IER2: variants seen among roughly 807,000 people sequenced by gnomAD.
The protein encoded by IER2 is immediate early response gene 2 protein.
For missense variants in IER2, 372 were observed against 325.4 expected (o/e 1.14, Z -1.10); for synonymous variants, 198 against 149.6 (o/e 1.32, Z -2.36).
rs1288374197 is a variant in IER2, at chr19:13,153,472, A to G, written c.286A>G (p.Met96Val). ...PDGEHPFPEP[M>V]DTQEAPTAEE... ...CGGTGAGCACCCGTTTCCGGAGCCA[A>G]TGGACACGCAGGAGGCGCCGACAGC... Residue 96 changes from methionine to valine, a missense_variant, in exon 2 of 2, where the codon ATG becomes GTG. Transcript: ENST00000292433. 53 of 1,593,438 alleles carry G rather than the reference A, an allele frequency of 3.3e-5. No individual in the cohort carries two copies. Among genetic ancestry groups the G allele is most frequent in the Middle Eastern group, 1.7e-4 (1 of 6,010 alleles).
At position 13,153,846 on chromosome 19, in the gene IER2, G is replaced by A; in HGVS notation, c.660G>A (p.Val220=). The part of the protein sequence containing the change: ...DSMLNVLVRA[V]VAF ...TGCTCAACGTGCTCGTGCGGGCCGT[G>A]GTGGCCTTCTGAGGACCCCGAGCGG... Residue 220 remains valine (V), a synonymous_variant, in exon 2 of 2, where the codon GTG becomes GTA. Coordinates refer to ENST00000292433, the MANE Select transcript of IER2 (RefSeq NM_004907.3). 1 of 1,440,246 alleles carries A rather than the reference G, an allele frequency of 6.9e-7. No individual in the cohort carries two copies. Among genetic ancestry groups the A allele is most frequent in the Non-Finnish European group, 9.0e-7 (1 of 1,105,042 alleles). The allele number at this position is 1,440,246 out of a possible 1,614,324, so 89.2% of individuals were successfully genotyped here.
Position 13,153,898 on chromosome 19 carries a change from G to C in IER2, c.*40G>C, listed in dbSNP as rs900840586. ...GCTGCCGGAGCCCAGAGCGCGCGTC[G>C]AACCGTCGGCCCGAGGGCGCAGACC... On this transcript the variant is annotated 3_prime_UTR_variant, in exon 2 of 2. Transcript: ENST00000292433. The C allele has an allele frequency of 7.2e-7, 1 of 1,393,160 alleles. No individual in the cohort carries two copies. Among genetic ancestry groups the C allele is most frequent in the East Asian group, 2.9e-5 (1 of 34,268 alleles). The allele number at this position is 1,393,160 out of a possible 1,614,324, so 86.3% of individuals were successfully genotyped here.
intron 1 of IER2, among the ~76,000 whole-genome samples, chr19:13,151,769 C>T (rs951819059): frequency 6.6e-6 from 1 of 150,990 alleles, no homozygotes; most frequent in African/African-American, 2.4e-5. Context: ...TGGGGAGGGG[C>T]GTGGCCGGAG....
chr19:13,152,518 A>G (rs1204193382), intron 1 of IER2: 1 of 152,336 alleles, frequency 6.6e-6, no homozygotes, highest in Admixed American at 6.5e-5. Context: ...CAGATAGAAC[A>G]GTATCCTCCG....
Position 13,150,445 on chromosome 19 carries a change from G to C in IER2, c.-351G>C, listed in dbSNP as rs1482526024. On this transcript the variant is annotated 5_prime_UTR_variant, in exon 1 of 2. Coordinates refer to ENST00000292433, the MANE Select transcript of IER2 (RefSeq NM_004907.3). The surrounding 1 kb of genome is among the most constrained non-coding windows in gnomAD (Gnocchi z 4.0). The stretch of plus-strand genomic sequence containing the variant: ...GTGCCGCACCGTAGGGGGCGGTGTC[G>C]GAGTTCTGTCTGGGCCTATTCGGGT... 6.3e-5 allele frequency: 28 copies of C among 447,556 alleles called. No individual in the cohort carries two copies. Among genetic ancestry groups the C allele is most frequent in the Non-Finnish European group, 8.8e-5 (22 of 250,866 alleles). 27.7% of individuals were successfully genotyped at this position (447,556 alleles called of 1,614,324 possible). A position where few individuals can be genotyped will look rare whatever the true frequency, so the allele number is the denominator to read the frequency against.
chr19:13,153,081 G>A lies in IER2; in HGVS notation c.-106G>A, dbSNP rs1361615726. On this transcript the variant is annotated 5_prime_UTR_variant, in exon 2 of 2. Coordinates refer to ENST00000292433, the MANE Select transcript of IER2 (RefSeq NM_004907.3). Reference sequence around the variant, plus strand: ...GAGCGTCCTAGCAGTGTCACTGCGTGGGTTGGTTTGTGTAGAGAGGCGTGA... The same window carrying A: ...GAGCGTCCTAGCAGTGTCACTGCGTAGGTTGGTTTGTGTAGAGAGGCGTGA... 2 of 787,000 alleles carry A rather than the reference G, an allele frequency of 2.5e-6. No homozygotes were observed. Among genetic ancestry groups the A allele is most frequent in the East Asian group, 3.1e-5 (1 of 32,662 alleles). The allele number at this position is 787,000 out of a possible 1,614,324, so 48.8% of individuals were successfully genotyped here.
Position 13,153,511 on chromosome 19 carries a change from G to C in IER2, c.325G>C (p.Ala109Pro), listed in dbSNP as rs1334835713. The C allele has an allele frequency of 6.3e-7, 1 of 1,582,494 alleles. No individual in the cohort carries two copies. The highest frequency in any genetic ancestry group is 1.3e-5 in the African/African-American group (1 of 74,084). ...GGCGCCGACAGCCGAGGAGACCTCCGCCTGCTGTGCCCCGCGCCCCGCCAA... is the reference window on the plus strand; with the variant it reads ...GGCGCCGACAGCCGAGGAGACCTCCCCCTGCTGTGCCCCGCGCCCCGCCAA... ...QEAPTAEETSACCAPRPAKVS... is the reference protein window; with the variant it reads ...QEAPTAEETSPCCAPRPAKVS... Residue 109 changes from alanine to proline, a missense_variant, in exon 2 of 2, where the codon GCC becomes CCC. Transcript: ENST00000292433.
chr19:13,153,381 C>T lies in IER2; in HGVS notation c.195C>T (p.Leu65=), dbSNP rs1047951180. 4 of 1,588,262 alleles carry T rather than the reference C, an allele frequency of 2.5e-6. No homozygotes were observed. Among genetic ancestry groups the T allele is most frequent in the Non-Finnish European group, 3.4e-6 (4 of 1,169,530 alleles). The change falls in exon 2 of 2, where the codon CTC becomes CTT. Residue 65 remains leucine, a synonymous_variant. Transcript: ENST00000292433. ...LEPEVSLPAA[L]PSDPRLHPPR... is the part of the protein sequence containing the mutation. ...CCGAGGTGTCGTTGCCGGCCGCCCT[C>T]CCCTCTGACCCTCGCCTGCACCCGC...
rs749558990 is a variant in IER2, at chr19:13,150,899, C to A, written c.-244+347C>A. ...TATGCCAGCAGCGGGGGGAGGTCAC[C>A]TTTGAGAAAGTGCGTGGAGGTGGGT... On this transcript the variant is annotated intron_variant, in intron 1 of 1. Transcript: ENST00000292433. The surrounding 1 kb of genome is among the most constrained non-coding windows in gnomAD (Gnocchi z 4.0). Among the ~76,000 whole-genome samples the A allele has an allele frequency of 4.6e-5, 7 of 152,060 alleles. No individual in the cohort carries two copies. The highest frequency in any genetic ancestry group is 8.8e-5 in the Non-Finnish European group (6 of 67,996).
At position 13,154,036 on chromosome 19, in the gene IER2, C is replaced by T. The variant is rs999380863; in HGVS notation, c.*178C>T. 2 of 584,104 alleles carry T rather than the reference C, an allele frequency of 3.4e-6. No homozygotes were observed. The highest frequency in any genetic ancestry group is 5.6e-5 in the South Asian group (2 of 35,768). 36.2% of individuals were successfully genotyped at this position (584,104 alleles called of 1,614,324 possible). A position where few individuals can be genotyped will look rare whatever the true frequency, so the allele number is the denominator to read the frequency against. Reference sequence around the variant, plus strand: ...GAGAGGGACTCTGTCCCCGGGGAGCCATCGCCTTCAGTGTGCAGGGACGGC... The same window carrying T: ...GAGAGGGACTCTGTCCCCGGGGAGCTATCGCCTTCAGTGTGCAGGGACGGC... On this transcript the variant is annotated 3_prime_UTR_variant, in exon 2 of 2. Transcript: ENST00000292433.
intron 1 of IER2, 102 bp from the exon 2 acceptor site, chr19:13,152,842 G>T (rs986609586): frequency 5.8e-6 from 1 of 173,038 alleles, no homozygotes; most frequent in Non-Finnish European, 1.2e-5. Flanking sequence ...TCAGAGAAAG[G>T]AGCCCACCCA....
In IER2 at chr19:13,153,249, C is replaced by T. The variant is rs771068482; in HGVS notation, c.63C>T (p.Ser21=). The T allele has an allele frequency of 6.3e-7, 1 of 1,580,622 alleles. No homozygotes were observed. Among genetic ancestry groups the T allele is most frequent in the Non-Finnish European group, 8.6e-7 (1 of 1,163,646 alleles). ...MTLSVWKMYH[S]RMQRGGLRLH... ...TGTCGGTGTGGAAGATGTATCACTCCCGCATGCAGCGCGGTGGCCTGCGGC... is the reference window on the plus strand; with the variant it reads ...TGTCGGTGTGGAAGATGTATCACTCTCGCATGCAGCGCGGTGGCCTGCGGC... The change falls in exon 2 of 2, where the codon TCC becomes TCT. Residue 21 remains serine (S), a synonymous_variant. Coordinates refer to ENST00000292433, the MANE Select transcript of IER2 (RefSeq NM_004907.3).
At position 13,153,203 on chromosome 19, in the gene IER2, A is replaced by G; in HGVS notation, c.17A>G (p.Glu6Gly). ...CGAGTCGCCATGGAAGTGCAGAAAG[A>G]GGCACAGCGCATCATGACCCTGTCG... Reference protein sequence around the residue: MEVQKEAQRIMTLSVW... With the variant: MEVQKGAQRIMTLSVW... Residue 6 changes from glutamate to glycine, a missense_variant, in exon 2 of 2, where the codon GAG (glutamate) becomes GGG (glycine). Transcript: ENST00000292433. The G allele has an allele frequency of 6.6e-7, 1 of 1,514,886 alleles. No individual in the cohort carries two copies. The highest frequency in any genetic ancestry group is 1.4e-5 in the African/African-American group (1 of 70,950). 93.8% of individuals were successfully genotyped at this position (1,514,886 alleles called of 1,614,324 possible).
At position 13,153,325 on chromosome 19, in the gene IER2, T is replaced by C. The variant is rs2020088656; in HGVS notation, c.139T>C (p.Tyr47His). Residue 47 changes from tyrosine (Y) to histidine (H), a missense_variant, in exon 2 of 2, where the codon TAC becomes CAC. By Grantham distance (83) the Tyr-to-His change is moderately conservative. Coordinates refer to ENST00000292433, the MANE Select transcript of IER2 (RefSeq NM_004907.3). ...SLVMRSAREL[Y>H]LSAKVEALEP... The stretch of plus-strand genomic sequence containing the variant: ...GGTCATGCGCAGCGCCCGGGAGCTC[T>C]ACCTCTCGGCCAAGGTGGAGGCCCT... The C allele has an allele frequency of 6.2e-7, 1 of 1,602,982 alleles. No homozygotes were observed. Among genetic ancestry groups the C allele is most frequent in the Non-Finnish European group, 8.5e-7 (1 of 1,175,646 alleles).
Position 13,153,062 on chromosome 19 carries a change from C to CA in IER2, c.-125_-124insA, listed in dbSNP as rs1423640376. On this transcript the variant is annotated 5_prime_UTR_variant, in exon 2 of 2. Coordinates refer to ENST00000292433, the MANE Select transcript of IER2 (RefSeq NM_004907.3). Reference sequence around the variant, plus strand: ...GGTGGCGGGCGCCTGGGCAGAGCGTCCTAGCAGTGTCACTGCGTGGGTTGG... The same window carrying CA: ...GGTGGCGGGCGCCTGGGCAGAGCGTCACTAGCAGTGTCACTGCGTGGGTTGG... The CA allele has an allele frequency of 1.5e-6, 1 of 673,118 alleles. No individual in the cohort carries two copies. The highest frequency in any genetic ancestry group is 3.2e-5 in the East Asian group (1 of 31,694). 41.7% of individuals were successfully genotyped at this position (673,118 alleles called of 1,614,324 possible). A position where few individuals can be genotyped will look rare whatever the true frequency, so the allele number is the denominator to read the frequency against.
Position 13,152,995 on chromosome 19 carries a change from C to CG in IER2, c.-188dup, listed in dbSNP as rs1033523084. ...AGCCCGGATGCGTCCTTCGGTTGGG[C>CG]GGGGTGTCTCAGTGACGTCACTGGG... On this transcript the variant is annotated 5_prime_UTR_variant, in exon 2 of 2. The change abolishes the stop of an existing upstream ORF in the 5' untranslated region. Coordinates refer to ENST00000292433, the MANE Select transcript of IER2 (RefSeq NM_004907.3). The CG allele has an allele frequency of 6.8e-5, 29 of 424,494 alleles. No homozygotes were observed. The highest frequency in any genetic ancestry group is 2.1e-4 in the Admixed American group (5 of 23,344). The allele number at this position is 424,494 out of a possible 1,614,324, so 26.3% of individuals were successfully genotyped here.
At chr19:13,151,367 AGG>A (rs1225388745) in intron 1 of IER2, among the ~76,000 whole-genome samples, 1 of 123,416 alleles carries the variant, frequency 8.1e-6, no homozygotes, top group East Asian at 2.8e-4. Flanking sequence ...AGGGTATTTT[AGG>A]GGGGAATAAC....
Position 13,153,936 on chromosome 19 carries a change from A to C in IER2, c.*78A>C. 1.6e-6 allele frequency: 2 copies of C among 1,255,976 alleles called. No individual in the cohort carries two copies. The highest frequency in any genetic ancestry group is 2.1e-6 in the Non-Finnish European group (2 of 954,494). The allele number at this position is 1,255,976 out of a possible 1,614,324, so 77.8% of individuals were successfully genotyped here. A position where few individuals can be genotyped will look rare whatever the true frequency, so the allele number is the denominator to read the frequency against. ...GAGGGCGCAGACCTGAGGCGAGGCC[A>C]CCCCCCTCCATCCTGGGGGAAGCGC... On this transcript the variant is annotated 3_prime_UTR_variant, in exon 2 of 2. Coordinates refer to ENST00000292433, the MANE Select transcript of IER2 (RefSeq NM_004907.3).
rs754730873 is a variant in IER2 at position 13,153,638 on chromosome 19, GAGC to G, written c.453_455del (p.Ala152del). On this transcript the variant is annotated inframe_deletion, in exon 2 of 2. Transcript: ENST00000292433. ...CTGGAAGAAAAGGAAGAAGAGGAGG[GAGC>G]GTCATCCGAAGTCGCCGATCGCCTG... 6.2e-7 allele frequency: 1 copy of G among 1,613,220 alleles called. No individual in the cohort carries two copies. The highest frequency in any genetic ancestry group is 8.5e-7 in the Non-Finnish European group (1 of 1,179,748).
Sources: allele counts gnomAD v4.1 joint callset (sites outside exome capture counted in the v4.1 genomes callset), GRCh38; gene constraint gnomAD v4.1.1; non-coding constraint Gnocchi (gnomAD v3.1); transcripts MANE v1.5; gene names NCBI Gene and HGNC (gene_info 2026-07-23, HGNC 2026-07-21).